The following ANO6 variants were observed in gnomAD, a reference collection of about 807,000 sequenced individuals.
ANO6 encodes anoctamin 6.
Under a neutral mutation model 117.5 loss-of-function variants are expected in ANO6, and 106 were observed. That is an observed-to-expected ratio of 0.90 (90% confidence interval 0.77 to 1.06). The LOEUF (loss-of-function observed/expected upper bound fraction) is 1.06. Ranked by LOEUF, ANO6 falls within the 50% of genes least tolerant of loss-of-function variation. The probability of loss-of-function intolerance (pLI) is 0.00; values close to 1 mark genes in which losing one functional copy is unlikely to be tolerated. For missense variants in ANO6, 955 were observed against 1,121.1 expected (o/e 0.85, Z 2.12); for synonymous variants, 367 against 385.1 (o/e 0.95, Z 0.55).
At chr12:45,302,894 A>G (rs1939542935) in intron 2 of ANO6, among the ~76,000 whole-genome samples, 1 of 152,204 alleles carries the variant, frequency 6.6e-6, no homozygotes, top group African/African-American at 2.4e-5. Context: ...CAAATGGCCT[A>G]CCACTTTAGG....
chr12:45,308,945 G>C lies in ANO6; in HGVS notation c.150+6852G>C, dbSNP rs574643569. Reference sequence around the variant, plus strand: ...GCTCTGGAATGTGGCCCTAAAGATGGAAGGAAGGGAAGAAAGAAGAGGGTT... The same window carrying C: ...GCTCTGGAATGTGGCCCTAAAGATGCAAGGAAGGGAAGAAAGAAGAGGGTT... On this transcript the variant is annotated intron_variant, in intron 2 of 19. Transcript: ENST00000320560. 2.0e-5 allele frequency among the ~76,000 whole-genome samples: 3 copies of C among 152,226 alleles called. No homozygotes were observed. In the East Asian group the frequency reaches 5.8e-4, roughly 29 times the overall value.
chr12:45,235,827 CCTGT>C (rs1357105794), intron 1 of ANO6, among the ~76,000 whole-genome samples: 1 of 152,216 alleles, frequency 6.6e-6, no homozygotes, highest in African/African-American at 2.4e-5. Flanking sequence ...AACTAGCATG[CCTGT>C]CTGTCTCTAC....
At chr12:45,397,549 A>G (rs36136245) in intron 12 of ANO6, among the ~76,000 whole-genome samples, 1 of 152,222 alleles carries the variant, frequency 6.6e-6, no homozygotes, top group Non-Finnish European at 1.5e-5. Flanking sequence ...TGTTTATTGC[A>G]GCACTATTCA....
chr12:45,235,423 C>A (rs1947630551), intron 1 of ANO6, among the ~76,000 whole-genome samples: 1 of 152,204 alleles, frequency 6.6e-6, no homozygotes, highest in South Asian at 2.1e-4. Context: ...GGCTTAACTT[C>A]AGCTTGGCAC....
At chr12:45,263,059 G>T (rs1938094560) in intron 1 of ANO6, among the ~76,000 whole-genome samples, 1 of 151,808 alleles carries the variant, frequency 6.6e-6, no homozygotes, top group South Asian at 2.1e-4. Flanking sequence ...GATTGTTGCA[G>T]ATCTAGCATG....
intron 3 of ANO6, among the ~76,000 whole-genome samples, chr12:45,345,639 T>C (rs1941109668): frequency 6.6e-6 from 1 of 152,208 alleles, no homozygotes; most frequent in South Asian, 2.1e-4. Flanking sequence ...TTAAATCATA[T>C]CTTCACAAGA....
chr12:45,287,745 C>T (rs1272072752), intron 1 of ANO6, among the ~76,000 whole-genome samples: 1 of 152,150 alleles, frequency 6.6e-6, no homozygotes, highest in Non-Finnish European at 1.5e-5. Context: ...GAAGGGAAGA[C>T]ACAGTGGAGG....
chr12:45,408,474 A>G (rs1288509163), intron 15 of ANO6, among the ~76,000 whole-genome samples: 3 of 152,182 alleles, frequency 2.0e-5, no homozygotes, highest in Non-Finnish European at 4.4e-5. Context: ...GGAAAAAAAC[A>G]TGACATAAAA....
chr12:45,292,675 C>T (rs1939141671), intron 1 of ANO6: 1 of 1,258,618 alleles, frequency 7.9e-7, no homozygotes, highest in Non-Finnish European at 1.0e-6. Context: ...ATTTTTAGAG[C>T]TGAACTGTTG....
intron 11 of ANO6, among the ~76,000 whole-genome samples, 180 bp downstream of exon 11, chr12:45,388,483 T>G (rs1942359988): frequency 1.3e-5 from 2 of 152,146 alleles, no homozygotes; most frequent in Non-Finnish European, 2.9e-5. Context: ...TTTTTAAAGC[T>G]CCTTTGGTAA....
chr12:45,238,532 C>T (rs1385013692), intron 1 of ANO6, among the ~76,000 whole-genome samples: 1 of 151,970 alleles, frequency 6.6e-6, no homozygotes. Flanking sequence ...ATTTAATACT[C>T]TTTATTCCTT....
rs112348478 is a variant in ANO6 at position 45,438,013 on chromosome 12, A to C, written c.2527-1662A>C. On this transcript the variant is annotated intron_variant, in intron 19 of 19. Transcript: ENST00000425752. ...CAAAAAAGACCAGCGCAGTCTTTCC[A>C]CTCTCTATGCATGTGAAATCCATTT... 9.2e-3 allele frequency among the ~76,000 whole-genome samples: 1,398 copies of C among 152,196 alleles called. 19 individuals are homozygous for C. The highest frequency in any genetic ancestry group is 0.03 in the African/African-American group (1,254 of 41,536).
At chr12:45,366,423 T>C (rs1941687750) in intron 8 of ANO6, among the ~76,000 whole-genome samples, 1 of 152,206 alleles carries the variant, frequency 6.6e-6, no homozygotes, top group East Asian at 1.9e-4. Flanking sequence ...ATATAGAATA[T>C]GATTACAGGT....
downstream of ANO6, among the ~76,000 whole-genome samples, chr12:45,433,008 C>T (rs1300387888): frequency 6.6e-6 from 1 of 152,180 alleles, no homozygotes; most frequent in Non-Finnish European, 1.5e-5. Context: ...CAGTTACAAT[C>T]CAGGAAACTA....
At chr12:45,269,830 G>C (rs948985423) in intron 1 of ANO6, among the ~76,000 whole-genome samples, 13 of 152,140 alleles carry the variant, frequency 8.5e-5, no homozygotes, top group African/African-American at 3.1e-4. Flanking sequence ...TAGTTTTCTT[G>C]TTAATTCAAT....
intron 10 of ANO6, among the ~76,000 whole-genome samples, chr12:45,380,609 C>G (rs1942144427): frequency 1.3e-5 from 2 of 152,180 alleles, no homozygotes; most frequent in African/African-American, 2.4e-5. Context: ...ACAGATGCTT[C>G]TGAGAGGCAT....
At position 45,423,021 on chromosome 12, in the gene ANO6, C is replaced by A; in HGVS notation, c.2485C>A (p.His829Asn). 6.2e-7 allele frequency: 1 copy of A among 1,614,092 alleles called. No individual in the cohort carries two copies. The highest frequency in any genetic ancestry group is 8.5e-7 in the Non-Finnish European group (1 of 1,179,958). Residue 829 changes from histidine (H) to asparagine (N), a missense_variant, in exon 19 of 20, where the codon CAT becomes AAT. Physicochemically the swap from His to Asn is moderately conservative, Grantham distance 68. Transcript: ENST00000320560. Reference sequence around the variant, plus strand: ...GTATAAACACAACATCTACTATTGGCATGTGATTGCAGCCAAGCTGGCTTT... The same window carrying A: ...GTATAAACACAACATCTACTATTGGAATGTGATTGCAGCCAAGCTGGCTTT... The part of the protein sequence containing the change: ...QEYKHNIYYW[H>N]VIAAKLAFII...
chr12:45,396,248 A>G (rs935356179), intron 12 of ANO6, among the ~76,000 whole-genome samples: 2 of 152,156 alleles, frequency 1.3e-5, no homozygotes, highest in Admixed American at 6.5e-5. Flanking sequence ...CACAATTGCT[A>G]CAAAGAGAAT....
intron 1 of ANO6, among the ~76,000 whole-genome samples, chr12:45,275,459 C>T (rs1485076564): frequency 1.3e-5 from 2 of 152,198 alleles, no homozygotes; most frequent in Non-Finnish European, 2.9e-5. Flanking sequence ...CCACACGCCT[C>T]GACCTCCCAA....
Sources: allele counts gnomAD v4.1 joint callset (sites outside exome capture counted in the v4.1 genomes callset), GRCh38; gene constraint gnomAD v4.1.1; transcripts MANE v1.5; gene names NCBI Gene and HGNC (gene_info 2026-07-23, HGNC 2026-07-21).